The following ITGBL1 variants were observed in gnomAD, a reference collection of about 807,000 sequenced individuals.
The protein encoded by ITGBL1 is integrin subunit beta like 1, also known as integrin beta-like protein 1.
Under a neutral mutation model 68.5 loss-of-function variants are expected in ITGBL1, and 51 were observed. That is an observed-to-expected ratio of 0.74 (90% confidence interval 0.59 to 0.94). ITGBL1 has a LOEUF of 0.94. Ranked by LOEUF, ITGBL1 falls within the 40% of genes least tolerant of loss-of-function variation. ITGBL1 has a pLI of 0.00. For synonymous variants in ITGBL1, 209 were observed against 227.3 expected (o/e 0.92, Z 0.72); for missense variants, 649 against 647.4 (o/e 1.00, Z -0.03).
chr13:101,617,459 C>G (rs2031411386), intron 7 of ITGBL1, among the ~76,000 whole-genome samples: 1 of 152,016 alleles, frequency 6.6e-6, no homozygotes, highest in Non-Finnish European at 1.5e-5. Flanking sequence ...AGAAGGATCT[C>G]TATTCTGATT....
chr13:101,567,536 G>A (rs1354163057), intron 2 of ITGBL1, among the ~76,000 whole-genome samples, 163 bp from the exon 3 acceptor site: 2 of 151,934 alleles, frequency 1.3e-5, no homozygotes, highest in Non-Finnish European at 2.9e-5. Context: ...ATATTCCATT[G>A]CATTTTATAT....
chr13:101,715,337 A>G (rs1356045135), intron 10 of ITGBL1: 2 of 506,034 alleles, frequency 4.0e-6, no homozygotes, highest in African/African-American at 3.9e-5. Context: ...GATGGTGACT[A>G]TCTGATCGGT....
rs554944594 is a variant in ITGBL1 at position 101,580,986 on chromosome 13, G to A, written c.727+1559G>A. 2.6e-5 allele frequency among the ~76,000 whole-genome samples: 4 copies of A among 152,112 alleles called. No homozygotes were observed. The East Asian group carries it at 7.7e-4, about 29-fold the overall frequency. On this transcript the variant is annotated intron_variant, in intron 5 of 10. Transcript: ENST00000376180. ...AGATTCAGGGGTACTTGAAGACAGG[G>A]CAGAAGTGGGCGCTGAGATGAGTCA...
In ITGBL1 at chr13:101,499,594, G is replaced by T. The variant is rs192528079; in HGVS notation, c.316+45494G>T. ...TTTGGAACTGGAGCAAAGAGAACAA[G>T]AGAAGTGATCTAGAGTTGCTACTTC... On this transcript the variant is annotated intron_variant, in intron 2 of 10. Transcript: ENST00000376180. Among the ~76,000 whole-genome samples the T allele has an allele frequency of 1.1e-4, 16 of 152,328 alleles. No individual in the cohort carries two copies. In the East Asian group the frequency reaches 2.5e-3, roughly 24 times the overall value.
At chr13:101,697,992 C>A (rs73558055) in intron 8 of ITGBL1, among the ~76,000 whole-genome samples, 2 of 151,982 alleles carry the variant, frequency 1.3e-5, no homozygotes, top group Non-Finnish European at 2.9e-5. Flanking sequence ...GCAATTAGTC[C>A]CCCCCATCAT....
At chr13:101,635,902 A>G (rs1188495405) in intron 7 of ITGBL1, among the ~76,000 whole-genome samples, 1 of 152,126 alleles carries the variant, frequency 6.6e-6, no homozygotes, top group South Asian at 2.1e-4. Context: ...TAATTCAATC[A>G]GTATCTAAAG....
chr13:101,692,585 G>C lies in ITGBL1; in HGVS notation c.1016G>C (p.Gly339Ala). 1 of 1,605,598 alleles carries C rather than the reference G, an allele frequency of 6.2e-7. No individual in the cohort carries two copies. Among genetic ancestry groups the C allele is most frequent in the South Asian group, 1.1e-5 (1 of 90,918 alleles). The change falls in exon 8 of 11, where the codon GGT (glycine) becomes GCT (alanine). Residue 339 changes from glycine to alanine, a missense_variant and splice_region_variant. Coordinates refer to ENST00000376180, the MANE Select transcript of ITGBL1 (RefSeq NM_004791.3). ...TGTGCACTTTCTTTATACTTTCCAG[G>C]TAAATGTGAATGTGGCAAATGCACC... is the stretch of plus-strand genomic sequence containing the variant. The part of the protein sequence containing the change: ...GSSDLPCSGR[G>A]KCECGKCTCY...
chr13:101,671,921 C>T (rs1351737823), intron 7 of ITGBL1, among the ~76,000 whole-genome samples: 1 of 152,080 alleles, frequency 6.6e-6, no homozygotes, highest in African/African-American at 2.4e-5. Flanking sequence ...GGCTATATTA[C>T]AAAGGTTTTG....
chr13:101,463,479 A>T (rs2048343505), intron 2 of ITGBL1, among the ~76,000 whole-genome samples: 1 of 152,208 alleles, frequency 6.6e-6, no homozygotes, highest in African/African-American at 2.4e-5. Context: ...ACCCTGATTT[A>T]TATGATCATA....
intron 5 of ITGBL1, among the ~76,000 whole-genome samples, chr13:101,581,468 A>C (rs1026910397): frequency 1.3e-5 from 2 of 152,158 alleles, no homozygotes; most frequent in African/African-American, 4.8e-5. Flanking sequence ...TATTTATTAA[A>C]ATTCATTTTT....
chr13:101,536,567 G>T (rs544233769), intron 2 of ITGBL1, among the ~76,000 whole-genome samples: 22 of 151,956 alleles, frequency 1.4e-4, no homozygotes, highest in Middle Eastern at 3.4e-3. Context: ...CAAGTCAGTT[G>T]GTCTCCCTGT....
intron 2 of ITGBL1, among the ~76,000 whole-genome samples, chr13:101,518,540 A>T (rs554955723): frequency 6.6e-6 from 1 of 152,278 alleles, no homozygotes; most frequent in East Asian, 1.9e-4. Context: ...TTAATTATTG[A>T]TTTGGATTAA....
At chr13:101,683,667 A>C in intron 7 of ITGBL1, among the ~76,000 whole-genome samples, 1 of 151,990 alleles carries the variant, frequency 6.6e-6, no homozygotes, top group Non-Finnish European at 1.5e-5. Context: ...AGAATATTCT[A>C]CCAATTTATA....
intron 9 of ITGBL1, chr13:101,711,826 A>C (rs575918283): frequency 6.6e-6 from 1 of 152,314 alleles, no homozygotes; most frequent in South Asian, 2.1e-4. Flanking sequence ...CCTTATATTG[A>C]GAAAGAAAAT....
chr13:101,630,022 T>A (rs1253258044), intron 7 of ITGBL1, among the ~76,000 whole-genome samples: 1 of 151,918 alleles, frequency 6.6e-6, no homozygotes, highest in East Asian at 1.9e-4. Flanking sequence ...CGGGGTTTCA[T>A]CATGTTGGCC....
rs146016275 is a variant in ITGBL1, at chr13:101,560,888, A to G, written c.317-6811A>G. ...CTTTACCCTTGATGAACTTATTTGC[A>G]AAGTGTCTGTAAGATTTTGGTTTCC... On this transcript the variant is annotated intron_variant, in intron 2 of 10. Transcript: ENST00000376180. Among the ~76,000 whole-genome samples, 1,086 of 152,314 alleles carry G rather than the reference A, an allele frequency of 7.1e-3. 4 individuals carry two copies. The highest frequency in any genetic ancestry group is 0.012 in the Non-Finnish European group (788 of 68,022).
intron 2 of ITGBL1, among the ~76,000 whole-genome samples, chr13:101,506,441 G>T (rs1450753468): frequency 2.0e-5 from 3 of 152,162 alleles, no homozygotes; most frequent in Non-Finnish European, 4.4e-5. Flanking sequence ...AGGCATTGTT[G>T]TTCATAGCGA....
At chr13:101,688,902 T>C (rs2033815972) in intron 7 of ITGBL1, among the ~76,000 whole-genome samples, 1 of 152,042 alleles carries the variant, frequency 6.6e-6, no homozygotes, top group Admixed American at 6.6e-5. Context: ...AAATATTGAT[T>C]CAAAACATTA....
Position 101,549,076 on chromosome 13 carries a change from T to G in ITGBL1, c.317-18623T>G, listed in dbSNP as rs183827774. Among the ~76,000 whole-genome samples the G allele has an allele frequency of 2.0e-5, 3 of 151,964 alleles. No individual in the cohort carries two copies. The East Asian group carries it at 5.8e-4, about 29-fold the overall frequency. ...GAGATCAGCAGATATCAACATAAGA[T>G]TATACAGAGTTGAGAAAAAGATAAA... On this transcript the variant is annotated intron_variant, in intron 2 of 10. Coordinates refer to ENST00000376180, the MANE Select transcript of ITGBL1 (RefSeq NM_004791.3).
Sources: allele counts gnomAD v4.1 joint callset (sites outside exome capture counted in the v4.1 genomes callset), GRCh38; gene constraint gnomAD v4.1.1; transcripts MANE v1.5; gene names NCBI Gene and HGNC (gene_info 2026-07-23, HGNC 2026-07-21).